Variants in AGMO observed in about 807,000 individuals in gnomAD.
The protein encoded by AGMO is alkylglycerol monooxygenase, also known as glyceryl-ether monooxygenase.
In AGMO, 75 loss-of-function variants were observed where a neutral mutation model predicts 60.2. That is an observed-to-expected ratio of 1.25 (90% CI 1.03 to 1.51). The LOEUF (loss-of-function observed/expected upper bound fraction) is 1.51, where lower values mean the gene tolerates loss of function less well. Ranked by LOEUF, AGMO falls within the 40% of genes most tolerant of loss-of-function variation. The pLI is 0.00. For synonymous variants in AGMO, 261 were observed against 177.1 expected, an observed-to-expected ratio of 1.47 and a Z score of -3.76; for missense variants, 763 against 525.5, an observed-to-expected ratio of 1.45 and a Z score of -4.42.
intron 5 of AGMO, among the ~76,000 whole-genome samples, chr7:15,408,593 G>A (rs1041492889): frequency 2.0e-5 from 3 of 151,808 alleles, no homozygotes; most frequent in African/African-American, 7.2e-5. Context: ...GGTACACATT[G>A]GGGCTCTTCC....
intron 4 of AGMO, among the ~76,000 whole-genome samples, chr7:15,426,406 G>C (rs988388189): frequency 5.3e-5 from 8 of 152,048 alleles, no homozygotes; most frequent in African/African-American, 1.7e-4. Flanking sequence ...TACTAAAATA[G>C]ATAAATGCAA....
chr7:15,136,157 C>A, the AGMO span, among the ~76,000 whole-genome samples: 1 of 151,934 alleles, frequency 6.6e-6, no homozygotes, highest in South Asian at 2.1e-4. Flanking sequence ...CCACGCCAGG[C>A]TAAATTAGTA....
At chr7:15,500,448 C>T (rs1164926430) in intron 3 of AGMO, among the ~76,000 whole-genome samples, 6 of 151,782 alleles carry the variant, frequency 4.0e-5, no homozygotes, top group African/African-American at 1.5e-4. Flanking sequence ...GAAAACCCTA[C>T]AGTATTTATT....
intron 4 of AGMO, among the ~76,000 whole-genome samples, chr7:15,424,872 TGTTA>T (rs1360371806): frequency 6.6e-6 from 1 of 152,216 alleles, no homozygotes; most frequent in African/African-American, 2.4e-5. Context: ...ACATCAAAGT[TGTTA>T]GTTTCTTGTA....
intron 12 of AGMO, among the ~76,000 whole-genome samples, chr7:15,248,802 C>T (rs936473111): frequency 5.3e-5 from 8 of 152,120 alleles, no homozygotes; most frequent in Admixed American, 5.2e-4. Context: ...TGACTTGAGC[C>T]AAGTGCAGAG....
intron 2 of AGMO, among the ~76,000 whole-genome samples, chr7:15,550,546 C>T (rs1398423406): frequency 6.6e-6 from 1 of 151,960 alleles, no homozygotes; most frequent in African/African-American, 2.4e-5. Flanking sequence ...CACCTCTACA[C>T]AAATAAACTA....
chr7:15,463,922 C>T (rs922363317), intron 3 of AGMO, among the ~76,000 whole-genome samples: 1 of 152,078 alleles, frequency 6.6e-6, no homozygotes, highest in African/African-American at 2.4e-5. Context: ...GGATAAAACC[C>T]GATGCTGTAA....
At chr7:15,380,284 T>G (rs1783624458) in intron 10 of AGMO, among the ~76,000 whole-genome samples, 1 of 152,060 alleles carries the variant, frequency 6.6e-6, no homozygotes, top group African/African-American at 2.4e-5. Context: ...CCCAAAAGCT[T>G]CTTAAGTTGA....
At chr7:15,412,164 GCTTT>G (rs1279115645) in intron 5 of AGMO, among the ~76,000 whole-genome samples, 1 of 151,984 alleles carries the variant, frequency 6.6e-6, no homozygotes, top group African/African-American at 2.4e-5. Flanking sequence ...CATTTCTTAT[GCTTT>G]CTCATTTTGC....
rs959115369 is a variant in AGMO at position 15,284,547 on chromosome 7, A to G, written c.1263+80967T>C. ...AAGAAATACAAACCCTGAACACACC[A>G]ATAACAACCAGCAAGACTGAATCAG... is the stretch of plus-strand genomic sequence containing the variant. On this transcript the variant is annotated intron_variant, in intron 12 of 12. Transcript: ENST00000342526. 2.6e-5 allele frequency among the ~76,000 whole-genome samples: 4 copies of G among 152,168 alleles called. 1 individual carries two copies. The highest frequency in any genetic ancestry group is 6.8e-3 in the Middle Eastern group (2 of 294).
At chr7:15,209,743 A>G (rs1330456797) in intron 12 of AGMO, among the ~76,000 whole-genome samples, 1 of 152,170 alleles carries the variant, frequency 6.6e-6, no homozygotes, top group African/African-American at 2.4e-5. Context: ...ATGGGAAACA[A>G]TGACTGGTTC....
At chr7:15,402,318 CTCT>C (rs149568906) in intron 5 of AGMO, among the ~76,000 whole-genome samples, 6,462 of 151,522 alleles carry the variant, frequency 0.043, 434 homozygotes, top group African/African-American at 0.15. Flanking sequence ...CTTTTTCTCT[CTCT>C]TCTTCTTCTC....
chr7:15,384,421 C>G (rs114973637), intron 10 of AGMO, among the ~76,000 whole-genome samples: 4,386 of 152,212 alleles, frequency 0.029, 196 homozygotes, highest in African/African-American at 0.1. Context: ...ACATTTTTAA[C>G]TCCTTAGGTG....
rs200156433 is a variant in AGMO at position 15,394,132 on chromosome 7, G to T, written c.657C>A (p.Ser219Arg). 2 of 1,612,014 alleles carry T rather than the reference G, an allele frequency of 1.2e-6. No individual in the cohort carries two copies. The highest frequency in any genetic ancestry group is 3.3e-5 in the Admixed American group (2 of 59,920). ...GPLELILNTPSHHRVHHGRNR... is the reference protein window; with the variant it reads ...GPLELILNTPRHHRVHHGRNR... Reference sequence around the variant, plus strand: ...CCTTACCATGATGAACCCTATGATGGCTAGGAGTATTAAGAATCAGTTCCA... The same window carrying T: ...CCTTACCATGATGAACCCTATGATGTCTAGGAGTATTAAGAATCAGTTCCA... The change falls in exon 6 of 13, where the codon AGC becomes AGA. Residue 219 changes from serine to arginine, a missense_variant. Coordinates refer to ENST00000342526, the MANE Select transcript of AGMO (RefSeq NM_001004320.2).
At chr7:15,396,979 T>G (rs1370942678) in intron 5 of AGMO, among the ~76,000 whole-genome samples, 1 of 152,022 alleles carries the variant, frequency 6.6e-6, no homozygotes, top group African/African-American at 2.4e-5. Flanking sequence ...TTACAAACCT[T>G]TAACTAGACA....
At chr7:15,330,114 G>T (rs1267562265) in intron 12 of AGMO, among the ~76,000 whole-genome samples, 2 of 152,108 alleles carry the variant, frequency 1.3e-5, no homozygotes, top group Non-Finnish European at 2.9e-5. Flanking sequence ...TTTCTTAAAA[G>T]TTTTTGAGAT....
chr7:15,278,109 G>A lies in AGMO; in HGVS notation c.1264-76750C>T, dbSNP rs531326393. 1.3e-4 allele frequency among the ~76,000 whole-genome samples: 20 copies of A among 149,698 alleles called. 2 individuals carry two copies. In the South Asian group the frequency reaches 1.9e-3, roughly 14 times the overall value. On this transcript the variant is annotated intron_variant, in intron 12 of 12. Coordinates refer to ENST00000342526, the MANE Select transcript of AGMO (RefSeq NM_001004320.2). ...CCAGGCCACAGTGTAACTGAAAGCC[G>A]TGGAATACATCTGTCCCACAGCTCT...
intron 12 of AGMO, among the ~76,000 whole-genome samples, chr7:15,240,214 A>G (rs1458550298): frequency 6.6e-6 from 1 of 152,224 alleles, no homozygotes; most frequent in East Asian, 1.9e-4. Context: ...TTTAAAAAAT[A>G]AAAATACAGG....
chr7:15,434,423 T>G (rs1215458720), intron 3 of AGMO, among the ~76,000 whole-genome samples: 4 of 152,114 alleles, frequency 2.6e-5, no homozygotes, highest in African/African-American at 9.7e-5. Flanking sequence ...TCACTTCTGA[T>G]ATTAGATTTA....
Sources: allele counts gnomAD v4.1 joint callset (sites outside exome capture counted in the v4.1 genomes callset), GRCh38; gene constraint gnomAD v4.1.1; transcripts MANE v1.5; gene names NCBI Gene and HGNC (gene_info 2026-07-23, HGNC 2026-07-21).